GALNT16: variants seen among roughly 807,000 people sequenced by gnomAD.
GALNT16 encodes UDP-GalNAc:polypeptide N-acetylgalactosaminyltransferase-like protein 1.
A neutral mutation model predicts 76.1 loss-of-function variants in GALNT16; 40 were observed. The ratio of observed to expected loss-of-function variants is 0.53; its 90% CI spans 0.41 to 0.68. The LOEUF is 0.68. GALNT16 is among the 30% of genes least tolerant of loss of function. The probability of loss-of-function intolerance (pLI) is 0.00; values close to 1 mark genes in which losing one functional copy is unlikely to be tolerated. For missense variants in GALNT16, 621 were observed against 731.9 expected (o/e 0.85, Z 1.75); for synonymous variants, 276 against 285.2 (o/e 0.97, Z 0.32).
intron 1 of GALNT16, among the ~76,000 whole-genome samples, chr14:69,310,362 C>T (rs1481501221): frequency 6.6e-6 from 1 of 152,046 alleles, no homozygotes; most frequent in Admixed American, 6.6e-5. Context: ...TCCCCCAACA[C>T]AGCTGTTATT....
At chr14:69,325,234 C>A (rs2045264056) in intron 3 of GALNT16, 103 bp from the exon 4 acceptor site, 6 of 776,762 alleles carry the variant, frequency 7.7e-6, no homozygotes, top group South Asian at 1.4e-5. Context: ...AGCATGCTGG[C>A]CCTGGAGCTG....
At chr14:69,296,362 G>A (rs1594829728) in intron 1 of GALNT16, among the ~76,000 whole-genome samples, 2 of 152,174 alleles carry the variant, frequency 1.3e-5, no homozygotes, top group Admixed American at 6.6e-5. Flanking sequence ...GGGTGGGAAC[G>A]CAGAGCCAAA....
intron 1 of GALNT16, among the ~76,000 whole-genome samples, chr14:69,282,047 A>C (rs1252050693): frequency 6.6e-6 from 1 of 152,222 alleles, no homozygotes; most frequent in African/African-American, 2.4e-5. Context: ...AACTATGAGA[A>C]ACGTCAGCCT....
chr14:69,341,199 G>T (rs1454513342), intron 11 of GALNT16, among the ~76,000 whole-genome samples: 1 of 152,136 alleles, frequency 6.6e-6, no homozygotes, highest in Non-Finnish European at 1.5e-5. Context: ...GTCAACCAGT[G>T]GCCATTGTGG....
chr14:69,284,156 TC>T (rs928955188), intron 1 of GALNT16, among the ~76,000 whole-genome samples: 3 of 152,024 alleles, frequency 2.0e-5, no homozygotes, highest in Non-Finnish European at 2.9e-5. Context: ...CTCCTTATCT[TC>T]CCCCAAACAC....
At chr14:69,303,892 A>C (rs1210217717) in intron 1 of GALNT16, among the ~76,000 whole-genome samples, 1 of 152,206 alleles carries the variant, frequency 6.6e-6, no homozygotes, top group African/African-American at 2.4e-5. Flanking sequence ...CATCTAGATA[A>C]ACAAAAATGG....
chr14:69,276,425 G>T (rs1443613562), intron 1 of GALNT16, among the ~76,000 whole-genome samples: 3 of 152,180 alleles, frequency 2.0e-5, no homozygotes, highest in Non-Finnish European at 4.4e-5. Context: ...GCGCACGCCT[G>T]TAATCCCAGC....
chr14:69,296,799 A>C (rs1396855147), intron 1 of GALNT16, among the ~76,000 whole-genome samples: 8 of 120,548 alleles, frequency 6.6e-5, no homozygotes, highest in African/African-American at 3.0e-4. Flanking sequence ...AGACAGACAG[A>C]TAGAGCTAGA....
At chr14:69,360,669 A>G (rs75242534), downstream of GALNT16, among the ~76,000 whole-genome samples, 3 of 151,916 alleles carry the variant, frequency 2.0e-5, no homozygotes, top group South Asian at 2.1e-4. Context: ...AGAATAGAAG[A>G]AAAAAAAGGA....
intron 1 of GALNT16, among the ~76,000 whole-genome samples, chr14:69,304,345 G>C (rs1005778760): frequency 4.5e-4 from 69 of 152,216 alleles, no homozygotes; most frequent in Non-Finnish European, 5.9e-5. Context: ...TATAAGTGAA[G>C]AGATGGAGAT....
In GALNT16 at chr14:69,347,059, C is replaced by T. The variant is rs139322691; in HGVS notation, c.1291C>T (p.Leu431Phe). Residue 431 changes from leucine to phenylalanine, a missense_variant, in exon 13 of 15, where the codon CTC (leucine) becomes TTC (phenylalanine). Leu to Phe is a conservative substitution (Grantham distance 22). Transcript: ENST00000448469. ...TCTCAGGGTCCCCGTGAAGGAAGCA[C>T]TCCCCGGCATCATTAAGCAGGGGGT... ...PELTVPVKEA[L>F]PGIIKQGVNC... is the part of the protein sequence containing the mutation. The T allele has an allele frequency of 2.7e-3, 4,430 of 1,614,100 alleles. 14 individuals are homozygous for T. The highest frequency in any genetic ancestry group is 2.7e-3 in the Non-Finnish European group (3,182 of 1,179,960).
At chr14:69,366,039 G>A in the GALNT16 span, among the ~76,000 whole-genome samples, 4 of 152,230 alleles carry the variant, frequency 2.6e-5, no homozygotes, top group African/African-American at 9.6e-5. Flanking sequence ...GGAAGATGGT[G>A]TGGAGGGGTA....
the GALNT16 span, among the ~76,000 whole-genome samples, chr14:69,379,859 G>C: frequency 6.6e-6 from 1 of 152,146 alleles, no homozygotes; most frequent in Non-Finnish European, 1.5e-5. Flanking sequence ...TGCTGCTGCG[G>C]ACAAGCTTTA....
chr14:69,338,694 C>T lies in GALNT16; in HGVS notation c.1011C>T (p.Ile337=), dbSNP rs556954532. 6.3e-5 allele frequency: 101 copies of T among 1,613,426 alleles called. 3 individuals are homozygous for T. In the South Asian group the frequency reaches 8.7e-4, roughly 14 times the overall value. The change falls in exon 10 of 15, where the codon ATC becomes ATT. Residue 337 remains isoleucine, a synonymous_variant. Coordinates refer to ENST00000448469, the MANE Select transcript of GALNT16 (RefSeq NM_001168368.2). ...GGATGTGTGGTGGCAGTCTGGAGAT[C>T]GTCCCCTGCAGCCGGGTGGGCCATG... ...RVWMCGGSLE[I]VPCSRVGHVF...
chr14:69,367,901 G>A, the GALNT16 span, among the ~76,000 whole-genome samples: 455 of 152,230 alleles, frequency 3.0e-3, 4 homozygotes, highest in African/African-American at 0.01. Flanking sequence ...GCTGAGGTGC[G>A]AGGATCGCTT....
rs893082598 is a variant in GALNT16, at chr14:69,347,085, G to T, written c.1317G>T (p.Val439=). Residue 439 remains valine (V), a synonymous_variant, in exon 13 of 15, where the codon GTG becomes GTT. Transcript: ENST00000448469. ...EALPGIIKQG[V]NCLESQGQNT... is the part of the protein sequence containing the mutation. ...TCCCCGGCATCATTAAGCAGGGGGT[G>T]AACTGCTTAGAATCTCAGGGCCAGA... 2 of 1,613,728 alleles carry T rather than the reference G, an allele frequency of 1.2e-6. No homozygotes were observed. Among genetic ancestry groups the T allele is most frequent in the Non-Finnish European group, 8.5e-7 (1 of 1,179,642 alleles).
Position 69,341,753 on chromosome 14 carries a change from C to A in GALNT16, c.1260C>A (p.Tyr420Ter). 1 of 1,611,382 alleles carries A rather than the reference C, an allele frequency of 6.2e-7. No homozygotes were observed. Among genetic ancestry groups the A allele is most frequent in the Non-Finnish European group, 8.5e-7 (1 of 1,177,856 alleles). Residue 420 changes from tyrosine to a stop codon, truncating the protein, a stop_gained, in exon 12 of 15, where the codon TAC (tyrosine) becomes TAA (stop). Transcript: ENST00000448469. LOFTEE classifies it high-confidence loss of function. ...KSFRWYLENV[Y>*]PELTVPVKEA... ...TCCGCTGGTACCTGGAGAACGTCTA[C>A]CCAGAGCTCACGTGAGTGCAGCCCT...
chr14:69,272,715 C>T (rs2044421541), intron 1 of GALNT16, among the ~76,000 whole-genome samples: 1 of 152,188 alleles, frequency 6.6e-6, no homozygotes, highest in Non-Finnish European at 1.5e-5. Flanking sequence ...GTGCCCTATA[C>T]AAGTCTACCA....
At chr14:69,339,486 C>A in intron 10 of GALNT16, 41 bp from the exon 11 acceptor site, 1 of 1,207,062 alleles carries the variant, frequency 8.3e-7, no homozygotes. Context: ...AACCCTGTTG[C>A]TTCCCTGGTG....
Sources: allele counts gnomAD v4.1 joint callset (sites outside exome capture counted in the v4.1 genomes callset), GRCh38; gene constraint gnomAD v4.1.1; transcripts MANE v1.5; gene names NCBI Gene and HGNC (gene_info 2026-07-23, HGNC 2026-07-21).